SGCZ: variants seen among roughly 807,000 people sequenced by gnomAD.
The protein encoded by SGCZ is zeta-sarcoglycan.
In SGCZ, 40 loss-of-function variants were observed where a neutral mutation model predicts 41.3. The ratio of observed to expected loss-of-function variants is 0.97; its 90% confidence interval spans 0.75 to 1.26. The LOEUF (loss-of-function observed/expected upper bound fraction) is 1.26, where lower values mean the gene tolerates loss of function less well. SGCZ is among the 50% of genes most tolerant of loss of function. The pLI is 0.00. For synonymous variants in SGCZ, 206 were observed against 137.5 expected, an observed-to-expected ratio of 1.50 and a Z score of -3.49; for missense variants, 552 against 369.8, an observed-to-expected ratio of 1.49 and a Z score of -4.04.
At chr8:14,417,067 C>A (rs565198630) in intron 2 of SGCZ, among the ~76,000 whole-genome samples, 1 of 151,690 alleles carries the variant, frequency 6.6e-6, no homozygotes. Context: ...AAAATAAGGC[C>A]GGGCAAGACA....
At chr8:14,939,194 C>T (rs1041338521) in intron 1 of SGCZ, among the ~76,000 whole-genome samples, 1 of 152,206 alleles carries the variant, frequency 6.6e-6, no homozygotes, top group South Asian at 2.1e-4. Context: ...AACACTAACA[C>T]TCAAAGATAG....
At chr8:14,959,795 A>G (rs1486260327) in intron 1 of SGCZ, among the ~76,000 whole-genome samples, 3 of 152,184 alleles carry the variant, frequency 2.0e-5, no homozygotes, top group Admixed American at 6.6e-5. Context: ...TGGTAATCGA[A>G]ATAGTCTTTA....
At chr8:14,604,211 A>G (rs1213932789) in intron 1 of SGCZ, among the ~76,000 whole-genome samples, 1 of 152,128 alleles carries the variant, frequency 6.6e-6, no homozygotes, top group Admixed American at 6.5e-5. Flanking sequence ...AGACTTATAG[A>G]AGAGGCTTCT....
intron 1 of SGCZ, among the ~76,000 whole-genome samples, chr8:14,562,542 T>C (rs1804237897): frequency 6.6e-6 from 1 of 152,148 alleles, no homozygotes; most frequent in African/African-American, 2.4e-5. Context: ...ACTTTTAAAA[T>C]GGTAGAAAGA....
chr8:14,277,437 A>G (rs1306382288), intron 3 of SGCZ, among the ~76,000 whole-genome samples: 1 of 150,754 alleles, frequency 6.6e-6, no homozygotes, highest in East Asian at 2.0e-4. Flanking sequence ...CATTTCTGCT[A>G]TTTCTAGACC....
At chr8:14,383,623 C>T (rs751297800) in intron 2 of SGCZ, among the ~76,000 whole-genome samples, 6 of 152,166 alleles carry the variant, frequency 3.9e-5, no homozygotes, top group Non-Finnish European at 8.8e-5. Context: ...TTCACACTAA[C>T]GCATTTCCAC....
At chr8:14,834,262 T>C (rs1008477241) in intron 1 of SGCZ, among the ~76,000 whole-genome samples, 2 of 152,228 alleles carry the variant, frequency 1.3e-5, no homozygotes, top group Non-Finnish European at 2.9e-5. Flanking sequence ...ATTTATATTT[T>C]ACAAAATCTT....
chr8:15,030,542 T>C (rs1390559385), intron 1 of SGCZ, among the ~76,000 whole-genome samples: 1 of 152,056 alleles, frequency 6.6e-6, no homozygotes, highest in Non-Finnish European at 1.5e-5. Flanking sequence ...GAAGAAACCA[T>C]GAGAAGAGCT....
Position 14,453,964 on chromosome 8 carries a change from G to A in SGCZ, c.234+100768C>T, listed in dbSNP as rs181440740. Among the ~76,000 whole-genome samples, 25 of 151,856 alleles carry A rather than the reference G, an allele frequency of 1.6e-4. 1 individual carries two copies. Among genetic ancestry groups the A allele is most frequent in the African/African-American group, 5.1e-4 (21 of 41,366 alleles). On this transcript the variant is annotated intron_variant, in intron 2 of 7. Transcript: ENST00000382080. Reference sequence around the variant, plus strand: ...CAGAAATATTCTTATATTGTACTTGGTTATTTACACATTAATGACAGTGAC... The same window carrying A: ...CAGAAATATTCTTATATTGTACTTGATTATTTACACATTAATGACAGTGAC...
At chr8:14,293,747 C>T (rs1013918273) in intron 3 of SGCZ, among the ~76,000 whole-genome samples, 2 of 151,760 alleles carry the variant, frequency 1.3e-5, no homozygotes, top group African/African-American at 4.8e-5. Context: ...GAATTCTTTT[C>T]TAAGAGGACT....
chr8:15,004,941 A>C (rs534815722), intron 1 of SGCZ, among the ~76,000 whole-genome samples: 6 of 152,108 alleles, frequency 3.9e-5, no homozygotes, highest in African/African-American at 1.4e-4. Flanking sequence ...CTGAATCAGC[A>C]TATCTGAGGT....
chr8:14,875,404 G>A (rs756897374), intron 1 of SGCZ, among the ~76,000 whole-genome samples: 8 of 152,066 alleles, frequency 5.3e-5, no homozygotes, highest in Non-Finnish European at 1.2e-4. Flanking sequence ...ATTTTGGAGG[G>A]GACATACATT....
intron 1 of SGCZ, among the ~76,000 whole-genome samples, chr8:14,993,043 A>G (rs1226890007): frequency 6.6e-6 from 1 of 152,004 alleles, no homozygotes; most frequent in East Asian, 1.9e-4. Context: ...CTACTCCCAA[A>G]TCTCTTCCCA....
At chr8:14,643,288 G>A (rs547672078) in intron 1 of SGCZ, among the ~76,000 whole-genome samples, 10 of 151,500 alleles carry the variant, frequency 6.6e-5, no homozygotes, top group Non-Finnish European at 5.9e-5. Context: ...AATACATGCA[G>A]ACAGTGAAAT....
intron 2 of SGCZ, among the ~76,000 whole-genome samples, chr8:14,444,910 T>A (rs914513709): frequency 3.3e-5 from 5 of 152,204 alleles, no homozygotes; most frequent in Non-Finnish European, 7.3e-5. Context: ...CAACGCTGGA[T>A]TCCAAACAAA....
chr8:14,946,958 G>GC (rs1479774595), intron 1 of SGCZ, among the ~76,000 whole-genome samples: 1 of 152,144 alleles, frequency 6.6e-6, no homozygotes, highest in African/African-American at 2.4e-5. Flanking sequence ...ACAGGCGTGA[G>GC]CCACTGCACC....
chr8:15,157,440 G>A (rs73527060), intron 1 of SGCZ, among the ~76,000 whole-genome samples: 7,941 of 151,610 alleles, frequency 0.052, 535 homozygotes, highest in African/African-American at 0.16. Flanking sequence ...AAAAAAAGTA[G>A]CCCGTAATTT....
intron 1 of SGCZ, among the ~76,000 whole-genome samples, chr8:14,846,334 G>A (rs1803098939): frequency 6.6e-6 from 1 of 151,600 alleles, no homozygotes; most frequent in South Asian, 2.1e-4. Flanking sequence ...AAAACAAAAA[G>A]AGAAAAATCA....
intron 1 of SGCZ, among the ~76,000 whole-genome samples, chr8:14,703,833 T>A (rs1439349412): frequency 6.6e-6 from 1 of 151,958 alleles, no homozygotes; most frequent in African/African-American, 2.4e-5. Flanking sequence ...GAAAGAGAAG[T>A]TGACGACTCA....
Sources: gnomAD v4.1 joint callset for allele counts (sites outside exome capture counted in the v4.1 genomes callset) on GRCh38, gnomAD v4.1.1 for gene constraint, MANE v1.5 for transcripts, NCBI Gene and HGNC (gene_info 2026-07-23, HGNC 2026-07-21) for gene names.